The following OPHN1 variants were observed in gnomAD, a reference collection of about 807,000 sequenced individuals.
OPHN1 encodes the protein oligophrenin-1.
A neutral mutation model predicts 60.7 loss-of-function variants in OPHN1; 11 were observed. That is an observed-to-expected ratio of 0.18 (90% CI 0.11 to 0.30). OPHN1 has a LOEUF of 0.30. Among genes scored for constraint, OPHN1 ranks in the 10% least tolerant of loss-of-function variants. OPHN1 has a pLI of 1.00. For missense variants in OPHN1, 449 were observed against 611.0 expected, an observed-to-expected ratio of 0.73 and a Z score of 2.80; for synonymous variants, 226 against 222.6, an observed-to-expected ratio of 1.02 and a Z score of -0.14.
chrX:68,356,480 T>C (rs1211411167), intron 2 of OPHN1, among the ~76,000 whole-genome samples: 1 of 110,479 alleles, frequency 9.1e-6, no homozygotes, highest in Non-Finnish European at 1.9e-5. Context: ...TGGTATGATC[T>C]TGGCTCACTG....
chrX:68,148,353 T>G (rs2077272143), intron 15 of OPHN1, among the ~76,000 whole-genome samples: 1 of 111,117 alleles, frequency 9.0e-6, no homozygotes. Flanking sequence ...GAATGCTCTT[T>G]ATGAAATTGG....
intron 4 of OPHN1, among the ~76,000 whole-genome samples, chrX:68,280,034 C>A (rs1341546054): frequency 8.9e-6 from 1 of 111,752 alleles, no homozygotes; most frequent in African/African-American, 3.3e-5. Flanking sequence ...CCTTTGAAAA[C>A]AACATAGGCA....
At chrX:68,176,527 GA>G (rs1391714597) in intron 15 of OPHN1, among the ~76,000 whole-genome samples, 96 of 111,527 alleles carry the variant, frequency 8.6e-4, no homozygotes, top group Middle Eastern at 4.6e-3. Flanking sequence ...AATAAATAAG[GA>G]AAATTCAAAG....
In OPHN1 at chrX:68,096,988, T is replaced by C. The variant is rs1305214428; in HGVS notation, c.1568A>G (p.Asn523Ser). ...HSKENLMTPS[N>S]MGVIFGPTLM... Reference sequence around the variant, plus strand: ...GGTGGGCCCAAAGATTACTCCCATGTTGGAGGGGGTCATAAGATTCTCTTT... The same window carrying C: ...GGTGGGCCCAAAGATTACTCCCATGCTGGAGGGGGTCATAAGATTCTCTTT... Residue 523 changes from asparagine (N) to serine (S), a missense_variant, in exon 19 of 25, where the codon AAC (asparagine) becomes AGC (serine). Physicochemically the swap from Asn to Ser is conservative, Grantham distance 46. Transcript: ENST00000355520. The C allele has an allele frequency of 2.5e-6, 3 of 1,208,284 alleles. No individual in the cohort carries two copies. The highest frequency in any genetic ancestry group is 3.4e-6 in the Non-Finnish European group (3 of 894,488).
chrX:68,181,546 C>T (rs760722584), intron 15 of OPHN1, among the ~76,000 whole-genome samples: 53 of 111,461 alleles, frequency 4.8e-4, no homozygotes, highest in African/African-American at 1.6e-3. Flanking sequence ...ATCCCTAGGC[C>T]AGGAATGGTG....
At chrX:68,267,780 C>T (rs2077940142) in intron 5 of OPHN1, among the ~76,000 whole-genome samples, 1 of 111,459 alleles carries the variant, frequency 9.0e-6, no homozygotes, top group African/African-American at 3.3e-5. Context: ...AACTGATAGA[C>T]CGCTAGCAAG....
intron 5 of OPHN1, among the ~76,000 whole-genome samples, chrX:68,272,315 C>G (rs775280531): frequency 9.0e-6 from 1 of 111,453 alleles, no homozygotes; most frequent in Non-Finnish European, 1.9e-5. Flanking sequence ...TTCTGAGACT[C>G]ACTTTCTTCA....
At position 68,384,720 on chromosome X, in the gene OPHN1, T is replaced by G. The variant is rs377064177; in HGVS notation, c.154+48147A>C. 7.3e-4 allele frequency among the ~76,000 whole-genome samples: 67 copies of G among 92,045 alleles called. 2 individuals are homozygous for G. The East Asian group carries it at 0.019, about 27-fold the overall frequency. The allele number at this position is 92,045 out of a possible 115,157, so 79.9% of individuals were successfully genotyped here. On this transcript the variant is annotated intron_variant, in intron 2 of 24. Coordinates refer to ENST00000355520, the MANE Select transcript of OPHN1 (RefSeq NM_002547.3). ...CTGGGCGACAGAGGGAGACTCCATC[T>G]CAAAAAAAAAAAAAGAAGAAGAATA...
chrX:68,366,094 T>C (rs962246741), intron 2 of OPHN1, among the ~76,000 whole-genome samples: 1 of 108,937 alleles, frequency 9.2e-6, no homozygotes, highest in Admixed American at 9.9e-5. Flanking sequence ...TATAAACTAC[T>C]AGTTGTGAGA....
intron 6 of OPHN1, among the ~76,000 whole-genome samples, chrX:68,228,785 G>T (rs2077711271): frequency 9.0e-6 from 1 of 110,710 alleles, no homozygotes; most frequent in Non-Finnish European, 1.9e-5. Flanking sequence ...GCTATTTATG[G>T]CAAACCCACA....
chrX:68,089,154 C>A (rs1171230125), intron 19 of OPHN1, among the ~76,000 whole-genome samples: 1 of 111,477 alleles, frequency 9.0e-6, no homozygotes, highest in East Asian at 2.8e-4. Context: ...AGTCTAGCTG[C>A]CAAAGTACAC....
At chrX:68,063,714 G>T in intron 21 of OPHN1, 140 bp downstream of exon 21, 1 of 511,058 alleles carries the variant, frequency 2.0e-6, no homozygotes, top group East Asian at 3.7e-5. Context: ...TGATTATTGT[G>T]ATCTTGCCCA....
chrX:68,069,839 A>G (rs1356251799), intron 20 of OPHN1, among the ~76,000 whole-genome samples: 3 of 111,293 alleles, frequency 2.7e-5, no homozygotes, highest in Non-Finnish European at 5.6e-5. Context: ...TAGGGCCAAG[A>G]GAGTAGCAAA....
chrX:68,361,891 C>A (rs1209231568), intron 2 of OPHN1, among the ~76,000 whole-genome samples: 3 of 112,112 alleles, frequency 2.7e-5, no homozygotes, highest in Non-Finnish European at 1.9e-5. Flanking sequence ...TCTCTTTCAT[C>A]TTTTTGATAA....
intron 8 of OPHN1, 124 bp from the exon 9 acceptor site, chrX:68,210,406 A>G (rs915621405): frequency 9.5e-5 from 65 of 687,054 alleles, no homozygotes; most frequent in Non-Finnish European, 9.6e-5. Context: ...AAAGCAAAAA[A>G]AGAAATGGTG....
intron 4 of OPHN1, among the ~76,000 whole-genome samples, chrX:68,280,863 C>T (rs770787125): frequency 3.6e-5 from 4 of 110,812 alleles, no homozygotes; most frequent in Non-Finnish European, 5.7e-5. Flanking sequence ...AAATGAAACA[C>T]TTAAGTAGAA....
chrX:68,425,685 G>A (rs1272429705), intron 2 of OPHN1, among the ~76,000 whole-genome samples: 1 of 108,466 alleles, frequency 9.2e-6, no homozygotes. Context: ...AAAAAATTAA[G>A]ATTGAGTTAT....
rs775453906 is a variant in OPHN1, at chrX:68,377,715, A to T, written c.154+55152T>A. Reference sequence around the variant, plus strand: ...CTGTTCTTGCGATAGTTTACTGAGAATGATGATTTCCAGTTTCATCCATGT... The same window carrying T: ...CTGTTCTTGCGATAGTTTACTGAGATTGATGATTTCCAGTTTCATCCATGT... On this transcript the variant is annotated intron_variant, in intron 2 of 24. Coordinates refer to ENST00000355520, the MANE Select transcript of OPHN1 (RefSeq NM_002547.3). 5.4e-5 allele frequency among the ~76,000 whole-genome samples: 6 copies of T among 110,183 alleles called. No homozygotes were observed. The East Asian group carries it at 1.7e-3, about 32-fold the overall frequency.
intron 18 of OPHN1, among the ~76,000 whole-genome samples, chrX:68,104,064 A>G (rs938768532): frequency 6.3e-5 from 7 of 111,771 alleles, no homozygotes; most frequent in African/African-American, 2.3e-4. Flanking sequence ...CTCATTCACG[A>G]CTGCTACAAA....
Sources: gnomAD v4.1 joint callset for allele counts (sites outside exome capture counted in the v4.1 genomes callset) on GRCh38, gnomAD v4.1.1 for gene constraint, MANE v1.5 for transcripts, NCBI Gene and HGNC (gene_info 2026-07-23, HGNC 2026-07-21) for gene names.